PAIP2: variants seen among roughly 807,000 people sequenced by gnomAD.
PAIP2 encodes the protein poly(A) binding protein interacting protein 2, also known as polyadenylate-binding protein-interacting protein 2.
Under a neutral mutation model 14.8 loss-of-function variants are expected in PAIP2, and 7 were observed. The ratio of observed to expected loss-of-function variants is 0.47; its 90% CI spans 0.27 to 0.89. The LOEUF (loss-of-function observed/expected upper bound fraction) is 0.89, where lower values mean the gene tolerates loss of function less well. Ranked by LOEUF, PAIP2 falls within the 40% of genes least tolerant of loss-of-function variation. PAIP2 has a pLI of 0.13. For missense variants in PAIP2, 122 were observed against 154.7 expected, an observed-to-expected ratio of 0.79 and a Z score of 1.12; for synonymous variants, 47 against 45.3, an observed-to-expected ratio of 1.04 and a Z score of -0.15.
intron 1 of PAIP2, among the ~76,000 whole-genome samples, chr5:139,350,881 TA>T (rs1224314427): frequency 6.6e-6 from 1 of 152,132 alleles, no homozygotes; most frequent in Admixed American, 6.5e-5. Context: ...TCAATTATGA[TA>T]AACATGAGGA....
intron 1 of PAIP2, among the ~76,000 whole-genome samples, chr5:139,350,163 G>A (rs1408672410): frequency 4.1e-5 from 6 of 147,138 alleles, no homozygotes; most frequent in Admixed American, 1.4e-4. Flanking sequence ...CAGCAAAGGC[G>A]AGACTCTGTC....
intron 3 of PAIP2, chr5:139,367,558 G>A (rs1176612554): frequency 6.6e-6 from 1 of 152,038 alleles, no homozygotes; most frequent in Non-Finnish European, 1.5e-5. Flanking sequence ...TTAGTTAGGG[G>A]CAGGGCTGGG....
chr5:139,342,578 T>A (rs962994400), intron 1 of PAIP2: 1 of 152,174 alleles, frequency 6.6e-6, no homozygotes, highest in Admixed American at 6.5e-5. Context: ...TATTTTTGGT[T>A]GTATTGCAGC....
chr5:139,358,196 T>G (rs1034242672), intron 1 of PAIP2, among the ~76,000 whole-genome samples: 3 of 152,222 alleles, frequency 2.0e-5, no homozygotes, highest in African/African-American at 7.2e-5. Flanking sequence ...TGTTCACTAG[T>G]TGTGTAACCT....
At chr5:139,352,102 A>G (rs1756751121) in intron 1 of PAIP2, among the ~76,000 whole-genome samples, 1 of 152,058 alleles carries the variant, frequency 6.6e-6, no homozygotes, top group South Asian at 2.1e-4. Flanking sequence ...TTTGAATGCC[A>G]ACATGACACT....
At chr5:139,368,528 CAAAA>C (rs920446336) in intron 3 of PAIP2, among the ~76,000 whole-genome samples, 13 of 151,574 alleles carry the variant, frequency 8.6e-5, no homozygotes, top group African/African-American at 3.2e-4. Flanking sequence ...GACTCCGTCA[CAAAA>C]AAAGAAAAGA....
At chr5:139,367,596 C>T (rs1234539334) in intron 3 of PAIP2, 1 of 152,128 alleles carries the variant, frequency 6.6e-6, no homozygotes, top group Non-Finnish European at 1.5e-5. Context: ...TCTGGTTCCC[C>T]ATGTAGTTTT....
At chr5:139,345,365 C>T (rs1261594342) in intron 1 of PAIP2, among the ~76,000 whole-genome samples, 1 of 152,068 alleles carries the variant, frequency 6.6e-6, no homozygotes, top group Non-Finnish European at 1.5e-5. Context: ...TAATCGTTAC[C>T]TTACTGTGCC....
At chr5:139,365,871 C>G (rs1332883052) in intron 3 of PAIP2, among the ~76,000 whole-genome samples, 1 of 152,110 alleles carries the variant, frequency 6.6e-6, no homozygotes, top group African/African-American at 2.4e-5. Flanking sequence ...TGTTACTTGC[C>G]TATACAGAAG....
chr5:139,365,776 G>T (rs535448109), intron 3 of PAIP2, among the ~76,000 whole-genome samples: 11 of 152,318 alleles, frequency 7.2e-5, no homozygotes, highest in African/African-American at 2.6e-4. Flanking sequence ...CGGACTTCTA[G>T]CCCCTGCTTT....
intron 1 of PAIP2, among the ~76,000 whole-genome samples, chr5:139,352,732 A>G (rs1387142945): frequency 6.6e-6 from 1 of 151,118 alleles, no homozygotes; most frequent in South Asian, 2.1e-4. Flanking sequence ...CAGCCTCCCA[A>G]AGTGCTGGGA....
chr5:139,350,834 A>G (rs952368777), intron 1 of PAIP2, among the ~76,000 whole-genome samples: 11 of 152,140 alleles, frequency 7.2e-5, no homozygotes, highest in Non-Finnish European at 1.2e-4. Context: ...CAATTACAGA[A>G]TAAAGAATCT....
intron 1 of PAIP2, among the ~76,000 whole-genome samples, chr5:139,351,692 C>CT (rs1275878515): frequency 2.6e-5 from 4 of 151,966 alleles, no homozygotes; most frequent in East Asian, 1.9e-4. Context: ...CCCTGTCACT[C>CT]TTTTTTTGAG....
chr5:139,355,970 C>T (rs1205389079), intron 1 of PAIP2, among the ~76,000 whole-genome samples: 1 of 151,006 alleles, frequency 6.6e-6, no homozygotes, highest in Non-Finnish European at 1.5e-5. Flanking sequence ...AACCCTGTCT[C>T]TACTAAAAGC....
intron 1 of PAIP2, among the ~76,000 whole-genome samples, chr5:139,350,228 G>T (rs1403937890): frequency 6.6e-6 from 1 of 151,876 alleles, no homozygotes; most frequent in Non-Finnish European, 1.5e-5. Flanking sequence ...CTCAGACTGG[G>T]TCACATATTC....
intron 1 of PAIP2, among the ~76,000 whole-genome samples, chr5:139,352,633 G>A (rs574058185): frequency 4.7e-5 from 7 of 150,018 alleles, no homozygotes; most frequent in African/African-American, 1.7e-4. Flanking sequence ...CACCACGCCC[G>A]GCTACTTTTG....
intron 1 of PAIP2, among the ~76,000 whole-genome samples, chr5:139,355,463 C>G (rs187077132): frequency 6.6e-6 from 1 of 152,170 alleles, no homozygotes; most frequent in Admixed American, 6.6e-5. Flanking sequence ...TAAGCCACCA[C>G]GGCCCACTAT....
intron 1 of PAIP2, among the ~76,000 whole-genome samples, chr5:139,359,828 C>T (rs1465783998): frequency 1.3e-5 from 2 of 151,294 alleles, no homozygotes; most frequent in Admixed American, 6.6e-5. Flanking sequence ...AAAAATTAGC[C>T]GGCCATGGTG....
At chr5:139,359,657 G>A (rs1039812806) in intron 1 of PAIP2, among the ~76,000 whole-genome samples, 3 of 151,896 alleles carry the variant, frequency 2.0e-5, no homozygotes, top group African/African-American at 4.8e-5. Context: ...AAGCAGTTTG[G>A]TAGCCTGCCA....
Sources: allele counts gnomAD v4.1 joint callset (sites outside exome capture counted in the v4.1 genomes callset), GRCh38; gene constraint gnomAD v4.1.1; transcripts MANE v1.5; gene names NCBI Gene and HGNC (gene_info 2026-07-23, HGNC 2026-07-21).